Variants in BIN3 observed in about 807,000 individuals in gnomAD.
BIN3 encodes bridging integrator 3.
BIN3 carries 41 observed loss-of-function variants against 38.2 expected under a neutral mutation model. The ratio of observed to expected loss-of-function variants is 1.07; its 90% CI spans 0.84 to 1.39. The LOEUF is 1.39. BIN3 is among the 40% of genes most tolerant of loss of function. The pLI is 0.00. For missense variants in BIN3, 361 were observed against 324.3 expected (o/e 1.11, Z -0.87); for synonymous variants, 145 against 122.6 (o/e 1.18, Z -1.21).
At chr8:22,660,648 A>G (rs1226614671) in intron 1 of BIN3, among the ~76,000 whole-genome samples, 6 of 152,296 alleles carry the variant, frequency 3.9e-5, no homozygotes, top group African/African-American at 1.4e-4. Context: ...TTCTCTTGCT[A>G]TGGAAAGTGA....
chr8:22,627,862 C>T (rs7830206), intron 6 of BIN3, among the ~76,000 whole-genome samples: 54,782 of 152,194 alleles, frequency 0.36, 10,172 homozygotes, highest in South Asian at 0.5. Context: ...CACACCTGGC[C>T]GCTGACCTGA....
intron 2 of BIN3, among the ~76,000 whole-genome samples, chr8:22,641,433 G>A (rs1278318607): frequency 3.3e-5 from 5 of 152,302 alleles, no homozygotes; most frequent in East Asian, 1.9e-4. Context: ...AACAGGCTGA[G>A]TTCCCACCCA....
At chr8:22,652,538 G>A (rs1232134464) in intron 1 of BIN3, among the ~76,000 whole-genome samples, 2 of 152,228 alleles carry the variant, frequency 1.3e-5, no homozygotes, top group Non-Finnish European at 2.9e-5. Context: ...AGGGGAAGGG[G>A]TGTGCCTTGG....
intron 1 of BIN3, among the ~76,000 whole-genome samples, chr8:22,658,259 C>T (rs1188283705): frequency 6.6e-6 from 1 of 152,106 alleles, no homozygotes; most frequent in Non-Finnish European, 1.5e-5. Context: ...CCCCCAACTG[C>T]CCCACCGCAA....
At chr8:22,659,093 C>T (rs1049876621) in intron 1 of BIN3, among the ~76,000 whole-genome samples, 4 of 152,238 alleles carry the variant, frequency 2.6e-5, no homozygotes, top group African/African-American at 7.2e-5. Context: ...CAGGGCTTAT[C>T]GAGAGCCATC....
Position 22,621,096 on chromosome 8 carries a change from C to A in BIN3, c.*326G>T, listed in dbSNP as rs539327444. Reference sequence around the variant, plus strand: ...CACAACGCATGCAAGGCTAAGACCCCCAACTTAGCCAACGAAGCCCATGGC... The same window carrying A: ...CACAACGCATGCAAGGCTAAGACCCACAACTTAGCCAACGAAGCCCATGGC... On this transcript the variant is annotated 3_prime_UTR_variant, in exon 9 of 9. Transcript: ENST00000276416. 6 of 287,546 alleles carry A rather than the reference C, an allele frequency of 2.1e-5. No homozygotes were observed. Among genetic ancestry groups the A allele is most frequent in the Middle Eastern group, 1.1e-3 (1 of 906 alleles). The allele number at this position is 287,546 out of a possible 1,614,324, so 17.8% of individuals were successfully genotyped here. A position where few individuals can be genotyped will look rare whatever the true frequency, so the allele number is the denominator to read the frequency against.
intron 8 of BIN3, among the ~76,000 whole-genome samples, chr8:22,621,788 C>T (rs1040982869): frequency 6.6e-6 from 1 of 152,106 alleles, no homozygotes; most frequent in Non-Finnish European, 1.5e-5. Context: ...GGTGGAGGCG[C>T]CCCTGCTTCG....
At chr8:22,631,082 A>G (rs1802182519) in intron 4 of BIN3, among the ~76,000 whole-genome samples, 1 of 152,052 alleles carries the variant, frequency 6.6e-6, no homozygotes, top group Non-Finnish European at 1.5e-5. Context: ...CAACTTCTCA[A>G]CTCTGCCTTG....
rs759411836 is a variant in BIN3 at position 22,624,234 on chromosome 8, G to A, written c.468C>T (p.Ala156=). The A allele has an allele frequency of 5.0e-6, 8 of 1,613,512 alleles. No individual in the cohort carries two copies. The highest frequency in any genetic ancestry group is 3.3e-5 in the South Asian group (3 of 91,008). ...EEKEKTGPVL[A]KLHQAREELR... Reference sequence around the variant, plus strand: ...TCTCCCCTGGTACCTGGTGGAGCTTGGCCAGCACTGGCCCCGTCTTCTCCT... The same window carrying A: ...TCTCCCCTGGTACCTGGTGGAGCTTAGCCAGCACTGGCCCCGTCTTCTCCT... The change falls in exon 7 of 9, where the codon GCC becomes GCT. Residue 156 remains alanine, a synonymous_variant. Coordinates refer to ENST00000276416, the MANE Select transcript of BIN3 (RefSeq NM_018688.6).
intron 2 of BIN3, among the ~76,000 whole-genome samples, chr8:22,639,275 A>G (rs940096979): frequency 2.7e-5 from 4 of 149,912 alleles, no homozygotes; most frequent in African/African-American, 4.9e-5. Flanking sequence ...TCTGTTGCCC[A>G]GGCTGGAATG....
chr8:22,626,428 T>A (rs1802006157), intron 6 of BIN3: 1 of 152,256 alleles, frequency 6.6e-6, no homozygotes, highest in Non-Finnish European at 1.5e-5. Flanking sequence ...AGGCACGTGT[T>A]CAGGCAGCAG....
chr8:22,658,792 G>A (rs1803139266), intron 1 of BIN3, among the ~76,000 whole-genome samples: 1 of 152,222 alleles, frequency 6.6e-6, no homozygotes, highest in African/African-American at 2.4e-5. Context: ...GGGGGCGAGG[G>A]AGGTAAGGGA....
chr8:22,633,115 C>T (rs1189424182), intron 4 of BIN3, among the ~76,000 whole-genome samples: 6 of 152,188 alleles, frequency 3.9e-5, no homozygotes, highest in South Asian at 4.1e-4. Context: ...CTGGAATCCC[C>T]GCCCAGTGAT....
chr8:22,664,913 G>T (rs1283219555), intron 1 of BIN3, among the ~76,000 whole-genome samples: 3 of 152,240 alleles, frequency 2.0e-5, no homozygotes, highest in Non-Finnish European at 4.4e-5. Context: ...GGTTTTGTTT[G>T]ACCCAGAAGT....
At chr8:22,662,498 A>G (rs1461472373) in intron 1 of BIN3, among the ~76,000 whole-genome samples, 2 of 152,244 alleles carry the variant, frequency 1.3e-5, no homozygotes, top group Non-Finnish European at 1.5e-5. Context: ...AATCTATGGA[A>G]TAAGTTCTTA....
chr8:22,624,369 G>A lies in BIN3; in HGVS notation c.339-6C>T. On this transcript the variant is annotated splice_region_variant and splice_polypyrimidine_tract_variant and intron_variant, in intron 6 of 8. Coordinates refer to ENST00000276416, the MANE Select transcript of BIN3 (RefSeq NM_018688.6). Reference sequence around the variant, plus strand: ...TCGGGAAGACACTGCCGAACCTGTGGGACAAGCTGGCTGGAGATGGGCCCG... The same window carrying A: ...TCGGGAAGACACTGCCGAACCTGTGAGACAAGCTGGCTGGAGATGGGCCCG... 3.1e-6 allele frequency: 5 copies of A among 1,610,832 alleles called. No homozygotes were observed. The highest frequency in any genetic ancestry group is 4.2e-6 in the Non-Finnish European group (5 of 1,177,936).
rs752229217 is a variant in BIN3 at position 22,623,941 on chromosome 8, T to C, written c.589A>G (p.Ser197Gly). 2 of 1,611,942 alleles carry C rather than the reference T, an allele frequency of 1.2e-6. No homozygotes were observed. Among genetic ancestry groups the C allele is most frequent in the Admixed American group, 1.7e-5 (1 of 59,886 alleles). The change falls in exon 8 of 9, where the codon AGC becomes GGC. Residue 197 changes from serine to glycine, a missense_variant. Physicochemically the swap from Ser to Gly is moderately conservative, Grantham distance 56. Transcript: ENST00000276416. ...YGSRLDYFQP[S>G]FESLIRAQVV... is the part of the protein sequence containing the mutation. ...TGAGCTCGGATGAGGGACTCAAAGCTGGGCTGGAAGTAGTCGAGGCGGCTG... is the reference window on the plus strand; with the variant it reads ...TGAGCTCGGATGAGGGACTCAAAGCCGGGCTGGAAGTAGTCGAGGCGGCTG...
intron 1 of BIN3, among the ~76,000 whole-genome samples, chr8:22,668,169 G>C (rs187054696): frequency 1.3e-5 from 2 of 152,184 alleles, no homozygotes; most frequent in Non-Finnish European, 2.9e-5. Context: ...TGCTGCATAT[G>C]AGTATTCTCT....
At chr8:22,661,784 A>C (rs1803245432) in intron 1 of BIN3, among the ~76,000 whole-genome samples, 1 of 151,360 alleles carries the variant, frequency 6.6e-6, no homozygotes, top group Admixed American at 6.6e-5. Flanking sequence ...ACCCATTTTA[A>C]CTACTACATA....
Sources: gnomAD v4.1 joint callset for allele counts (sites outside exome capture counted in the v4.1 genomes callset) on GRCh38, gnomAD v4.1.1 for gene constraint, MANE v1.5 for transcripts, NCBI Gene and HGNC (gene_info 2026-07-23, HGNC 2026-07-21) for gene names.